The following MAGI1 variants were observed in gnomAD, a reference collection of about 807,000 sequenced individuals.
MAGI1 encodes membrane-associated guanylate kinase, WW and PDZ domain-containing protein 1.
In MAGI1, 58 loss-of-function variants were observed where a neutral mutation model predicts 139.9. The observed-to-expected ratio is 0.41, with a 90% confidence interval of 0.34 to 0.52. The LOEUF (loss-of-function observed/expected upper bound fraction) is 0.52. Ranked by LOEUF, MAGI1 falls within the 20% of genes least tolerant of loss-of-function variation. The probability of loss-of-function intolerance (pLI) is 0.12; values close to 1 mark genes in which losing one functional copy is unlikely to be tolerated. For missense variants in MAGI1, 1,874 were observed against 1,901.6 expected, an observed-to-expected ratio of 0.99 and a Z score of 0.27; for synonymous variants, 812 against 737.9, an observed-to-expected ratio of 1.10 and a Z score of -1.63.
At chr3:65,610,323 T>A (rs535254888) in intron 2 of MAGI1, among the ~76,000 whole-genome samples, 1 of 152,122 alleles carries the variant, frequency 6.6e-6, no homozygotes, top group South Asian at 2.1e-4. Flanking sequence ...CAAACTTCTA[T>A]CCACTGGGGA....
At chr3:65,572,100 T>C (rs559747663) in intron 2 of MAGI1, among the ~76,000 whole-genome samples, 70 of 152,282 alleles carry the variant, frequency 4.6e-4, no homozygotes, top group Non-Finnish European at 5.9e-5. Flanking sequence ...TCATCCTATT[T>C]AATTCTGACT....
At chr3:65,685,454 G>A (rs984602963) in intron 1 of MAGI1, among the ~76,000 whole-genome samples, 3 of 151,790 alleles carry the variant, frequency 2.0e-5, no homozygotes, top group Admixed American at 6.6e-5. Flanking sequence ...TGAATATATC[G>A]TTTTCATATT....
chr3:65,530,854 CAT>C (rs1553662044), intron 2 of MAGI1, among the ~76,000 whole-genome samples: 3 of 108,156 alleles, frequency 2.8e-5, no homozygotes, highest in South Asian at 3.0e-4. Flanking sequence ...CACACACACA[CAT>C]ATATATATAT....
intron 1 of MAGI1, among the ~76,000 whole-genome samples, chr3:65,642,161 C>T (rs544658489): frequency 6.6e-6 from 1 of 152,192 alleles, no homozygotes; most frequent in African/African-American, 2.4e-5. Context: ...AAACACAACT[C>T]AACATGACTG....
chr3:65,701,195 A>AC (rs2089583691), intron 1 of MAGI1, among the ~76,000 whole-genome samples: 2 of 152,158 alleles, frequency 1.3e-5, no homozygotes, highest in South Asian at 4.2e-4. Flanking sequence ...AATGAAAAAA[A>AC]CTGATGTACC....
chr3:65,710,269 CTTTTTTTTTTTTTT>C (rs1175790063), intron 1 of MAGI1, among the ~76,000 whole-genome samples: 2 of 66,876 alleles, frequency 3.0e-5, no homozygotes, highest in African/African-American at 6.4e-5. Context: ...CCTTACATTT[CTTTTTTTTTTTTTT>C]TTTTTTTTTT....
At chr3:65,438,233 G>C (rs1947984554) in intron 9 of MAGI1, among the ~76,000 whole-genome samples, 1 of 152,126 alleles carries the variant, frequency 6.6e-6, no homozygotes, top group Admixed American at 6.6e-5. Flanking sequence ...GCGGCAACAT[G>C]AATGGAACTA....
chr3:65,503,415 TG>T (rs566567605), intron 2 of MAGI1, among the ~76,000 whole-genome samples: 3 of 152,156 alleles, frequency 2.0e-5, no homozygotes, highest in Non-Finnish European at 4.4e-5. Context: ...TTTTGAATAA[TG>T]GGGCATTCTC....
chr3:65,840,645 T>G (rs991989854), intron 1 of MAGI1, among the ~76,000 whole-genome samples: 1 of 152,198 alleles, frequency 6.6e-6, no homozygotes, highest in Non-Finnish European at 1.5e-5. Context: ...TTCTTTCAAA[T>G]AGTGCTGGCT....
chr3:65,968,806 T>A lies in MAGI1; in HGVS notation c.313+69190A>T, dbSNP rs1216612120. Reference sequence around the variant, plus strand: ...ATTACATATATACGAATATTCTACATAAGACCATTTAAAATAAACTTTTAT... The same window carrying A: ...ATTACATATATACGAATATTCTACAAAAGACCATTTAAAATAAACTTTTAT... On this transcript the variant is annotated intron_variant, in intron 1 of 22. Transcript: ENST00000402939. Among the ~76,000 whole-genome samples the A allele has an allele frequency of 2.0e-5, 3 of 152,120 alleles. No individual in the cohort carries two copies. The East Asian group carries it at 5.8e-4, about 29-fold the overall frequency.
rs142972694 is a variant in MAGI1 at position 65,444,180 on chromosome 3, G to A, written c.1079-1331C>T. On this transcript the variant is annotated intron_variant, in intron 7 of 22. Transcript: ENST00000402939. ...CAAGTTTTAAAGAAGTCTTTGACTT[G>A]TAGGAGACATAAGCTACTAAAATGC... 2.1e-3 allele frequency among the ~76,000 whole-genome samples: 320 copies of A among 152,294 alleles called. 3 individuals are homozygous for A. The highest frequency in any genetic ancestry group is 5.7e-3 in the African/African-American group (238 of 41,568).
At chr3:65,567,740 G>A (rs2080738806) in intron 2 of MAGI1, among the ~76,000 whole-genome samples, 1 of 152,084 alleles carries the variant, frequency 6.6e-6, no homozygotes, top group African/African-American at 2.4e-5. Context: ...GGAGGCTGAG[G>A]AAGGTGAATC....
intron 5 of MAGI1, among the ~76,000 whole-genome samples, chr3:65,462,451 G>C (rs1295478843): frequency 6.6e-6 from 1 of 152,112 alleles, no homozygotes; most frequent in East Asian, 1.9e-4. Flanking sequence ...TTATTTCTGA[G>C]GCCTCTGTTC....
In MAGI1 at chr3:65,682,007, G is replaced by C. The variant is rs138265782; in HGVS notation, c.314-59919C>G. Among the ~76,000 whole-genome samples, 1,484 of 152,122 alleles carry C rather than the reference G, an allele frequency of 9.8e-3. 26 individuals are homozygous for C. Among genetic ancestry groups the C allele is most frequent in the African/African-American group, 0.033 (1,384 of 41,478 alleles). The stretch of plus-strand genomic sequence containing the variant: ...CATGCTACTTTGTCCAGCTGAGTTT[G>C]GCAGGTTTAAGGGGGCAAAAATAAC... On this transcript the variant is annotated intron_variant, in intron 1 of 22. Coordinates refer to ENST00000402939, the MANE Select transcript of MAGI1 (RefSeq NM_001033057.2).
At chr3:65,629,591 C>T (rs1559736005) in intron 1 of MAGI1, among the ~76,000 whole-genome samples, 1 of 151,098 alleles carries the variant, frequency 6.6e-6, no homozygotes, top group East Asian at 1.9e-4. Context: ...CAGTTCAGCA[C>T]TTCAGTTTTA....
chr3:65,439,603 G>A (rs1948099548), intron 9 of MAGI1, among the ~76,000 whole-genome samples: 1 of 152,204 alleles, frequency 6.6e-6, no homozygotes, highest in Non-Finnish European at 1.5e-5. Context: ...GCGGGGGCAA[G>A]AAATTTCCTC....
At chr3:65,926,368 T>TCTCTCTCC (rs980352774) in intron 1 of MAGI1, among the ~76,000 whole-genome samples, 28 of 147,656 alleles carry the variant, frequency 1.9e-4, no homozygotes, top group African/African-American at 7.0e-4. Flanking sequence ...TCTCTCTCTC[T>TCTCTCTCC]CCCTCTTTCC....
intron 1 of MAGI1, among the ~76,000 whole-genome samples, chr3:65,865,122 G>A (rs1013919720): frequency 1.3e-5 from 2 of 152,170 alleles, no homozygotes; most frequent in African/African-American, 4.8e-5. Context: ...CACCTACAGA[G>A]AGGGTCTATA....
chr3:66,035,800 GTTTCC>G (rs1314337090), intron 1 of MAGI1, among the ~76,000 whole-genome samples: 1 of 152,166 alleles, frequency 6.6e-6, no homozygotes, highest in Non-Finnish European at 1.5e-5. Flanking sequence ...AGACACTACA[GTTTCC>G]TTTCAACTCA....
Sources: gnomAD v4.1 joint callset for allele counts (sites outside exome capture counted in the v4.1 genomes callset) on GRCh38, gnomAD v4.1.1 for gene constraint, MANE v1.5 for transcripts, NCBI Gene and HGNC (gene_info 2026-07-23, HGNC 2026-07-21) for gene names.